The following ATRNL1 variants were observed in gnomAD, a reference collection of about 807,000 sequenced individuals.
The protein encoded by ATRNL1 is attractin like 1.
ATRNL1 carries 95 observed loss-of-function variants against 182.7 expected under a neutral mutation model. The ratio of observed to expected loss-of-function variants is 0.52; its 90% CI spans 0.44 to 0.62. ATRNL1 has a LOEUF of 0.62. Ranked by LOEUF, ATRNL1 falls within the 20% of genes least tolerant of loss-of-function variation. The pLI is 0.00. For missense variants in ATRNL1, 1,471 were observed against 1,679.5 expected, an observed-to-expected ratio of 0.88 and a Z score of 2.17; for synonymous variants, 576 against 568.3, an observed-to-expected ratio of 1.01 and a Z score of -0.19.
At chr10:115,750,305 TA>T (rs2134117758) in intron 27 of ATRNL1, among the ~76,000 whole-genome samples, 1 of 151,918 alleles carries the variant, frequency 6.6e-6, no homozygotes, top group South Asian at 2.1e-4. Flanking sequence ...AAAACAGAAT[TA>T]AAATATATAT....
At chr10:115,730,862 A>G (rs782716851) in intron 27 of ATRNL1, among the ~76,000 whole-genome samples, 33 of 152,304 alleles carry the variant, frequency 2.2e-4, no homozygotes, top group Non-Finnish European at 1.0e-4. Context: ...AGGTCCCACA[A>G]TAGGCCATCT....
chr10:115,758,459 G>T (rs1948649102), intron 27 of ATRNL1, among the ~76,000 whole-genome samples: 1 of 152,192 alleles, frequency 6.6e-6, no homozygotes. Flanking sequence ...AGTGGAGGCT[G>T]CAGAACAACA....
intron 27 of ATRNL1, among the ~76,000 whole-genome samples, chr10:115,825,095 A>G (rs779415909): frequency 7.9e-5 from 12 of 152,208 alleles, no homozygotes; most frequent in Non-Finnish European, 1.6e-4. Flanking sequence ...TTGCAGGGAC[A>G]TGGATGAAGC....
At chr10:115,365,423 T>G (rs11528281) in intron 19 of ATRNL1, among the ~76,000 whole-genome samples, 47,491 of 151,272 alleles carry the variant, frequency 0.31, 8,583 homozygotes, top group Middle Eastern at 0.45. Context: ...TTTTCTTTAT[T>G]AGTCTTGCTA....
intron 26 of ATRNL1, among the ~76,000 whole-genome samples, chr10:115,700,673 C>T (rs1213200520): frequency 6.6e-6 from 1 of 151,974 alleles, no homozygotes; most frequent in Admixed American, 6.6e-5. Context: ...TTGATAGTTT[C>T]AGGCTTTAAA....
chr10:115,564,748 TG>T (rs1853971661), intron 26 of ATRNL1, among the ~76,000 whole-genome samples: 1 of 152,082 alleles, frequency 6.6e-6, no homozygotes, highest in South Asian at 2.1e-4. Context: ...AGGGCTTTTT[TG>T]TGTGTGTATA....
intron 19 of ATRNL1, among the ~76,000 whole-genome samples, chr10:115,345,252 G>C: frequency 6.6e-6 from 1 of 152,204 alleles, no homozygotes; most frequent in Non-Finnish European, 1.5e-5. Context: ...CCTTGGTGGT[G>C]AGGTCAGTGG....
chr10:115,369,476 T>G (rs1323935485), intron 19 of ATRNL1, among the ~76,000 whole-genome samples: 1 of 152,154 alleles, frequency 6.6e-6, no homozygotes, highest in Non-Finnish European at 1.5e-5. Context: ...CATCCATTGA[T>G]GGATATTTAA....
chr10:115,289,164 T>C (rs1852773207), intron 15 of ATRNL1, among the ~76,000 whole-genome samples: 1 of 152,056 alleles, frequency 6.6e-6, no homozygotes, highest in South Asian at 2.1e-4. Context: ...ATTCCTCTTT[T>C]TAAAACCATC....
chr10:115,609,489 A>T (rs1213258727), intron 26 of ATRNL1, among the ~76,000 whole-genome samples: 4 of 152,330 alleles, frequency 2.6e-5, no homozygotes, highest in Non-Finnish European at 4.4e-5. Context: ...AAATAACCGA[A>T]TAAATCTTTG....
intron 27 of ATRNL1, among the ~76,000 whole-genome samples, chr10:115,798,077 C>T (rs772828962): frequency 6.6e-6 from 1 of 152,122 alleles, no homozygotes; most frequent in Non-Finnish European, 1.5e-5. Flanking sequence ...GCCACCACGC[C>T]CGGCTAATTT....
In ATRNL1 at chr10:115,356,239, T is replaced by C. The variant is rs1856499169; in HGVS notation, c.3175+21820T>C. Reference sequence around the variant, plus strand: ...GAGGTTGAGCATTTCTTAAAATAAGTGTAGGAAGCTTAATTCTCTCAAACT... The same window carrying C: ...GAGGTTGAGCATTTCTTAAAATAAGCGTAGGAAGCTTAATTCTCTCAAACT... On this transcript the variant is annotated intron_variant, in intron 19 of 28. Transcript: ENST00000355044. Among the ~76,000 whole-genome samples the C allele has an allele frequency of 2.0e-5, 3 of 152,210 alleles. No individual in the cohort carries two copies. In the South Asian group the frequency reaches 6.2e-4, roughly 32 times the overall value.
intron 26 of ATRNL1, among the ~76,000 whole-genome samples, chr10:115,629,329 C>T (rs1555025684): frequency 2.6e-5 from 4 of 152,022 alleles, no homozygotes; most frequent in Non-Finnish European, 4.4e-5. Flanking sequence ...AGATTGAGTA[C>T]GGGATGTTAT....
chr10:115,735,162 A>G (rs1400997432), intron 27 of ATRNL1, among the ~76,000 whole-genome samples: 10 of 152,132 alleles, frequency 6.6e-5, no homozygotes, highest in African/African-American at 2.4e-4. Flanking sequence ...TTCCTTTTAA[A>G]ATGTTTCTAC....
intron 26 of ATRNL1, among the ~76,000 whole-genome samples, chr10:115,565,243 T>A (rs1854007046): frequency 6.6e-6 from 1 of 152,068 alleles, no homozygotes; most frequent in Non-Finnish European, 1.5e-5. Context: ...GTAGGAAATT[T>A]AAGATGCAGC....
At chr10:115,724,887 G>A (rs1555059377) in intron 26 of ATRNL1, among the ~76,000 whole-genome samples, 3 of 152,130 alleles carry the variant, frequency 2.0e-5, no homozygotes, top group Admixed American at 1.3e-4. Context: ...AAGCAAGAGT[G>A]CTACGAGGGA....
intron 28 of ATRNL1, among the ~76,000 whole-genome samples, chr10:115,871,829 G>C (rs1167514247): frequency 6.6e-6 from 1 of 152,144 alleles, no homozygotes; most frequent in African/African-American, 2.4e-5. Context: ...AAGATAGATT[G>C]CACTTCCTGG....
At chr10:115,162,991 C>G (rs1452961722) in intron 6 of ATRNL1, among the ~76,000 whole-genome samples, 1 of 147,888 alleles carries the variant, frequency 6.8e-6, no homozygotes, top group Non-Finnish European at 1.5e-5. Flanking sequence ...GGGTTAAAAG[C>G]GTGTCTAGAG....
At chr10:115,153,553 T>C (rs1310355622) in intron 5 of ATRNL1, among the ~76,000 whole-genome samples, 1 of 152,186 alleles carries the variant, frequency 6.6e-6, no homozygotes, top group East Asian at 1.9e-4. Flanking sequence ...GGATCGGTGG[T>C]GATATCCCCT....
Sources: gnomAD v4.1 joint callset for allele counts (sites outside exome capture counted in the v4.1 genomes callset) on GRCh38, gnomAD v4.1.1 for gene constraint, MANE v1.5 for transcripts, NCBI Gene and HGNC (gene_info 2026-07-23, HGNC 2026-07-21) for gene names.